LY75: variants seen among roughly 807,000 people sequenced by gnomAD.
LY75 encodes the protein lymphocyte antigen 75.
A neutral mutation model predicts 231.7 loss-of-function variants in LY75; 185 were observed. The ratio of observed to expected loss-of-function variants is 0.80; its 90% CI spans 0.71 to 0.90. The LOEUF is 0.90. LY75 is among the 40% of genes least tolerant of loss of function. The pLI, the probability that LY75 is intolerant of heterozygous loss-of-function variation, is 0.00. For synonymous variants in LY75, 668 were observed against 689.0 expected, an observed-to-expected ratio of 0.97 and a Z score of 0.48; for missense variants, 1,947 against 2,050.2, an observed-to-expected ratio of 0.95 and a Z score of 0.97.
chr2:159,847,299 C>G (rs985179953), intron 23 of LY75, among the ~76,000 whole-genome samples: 2 of 152,148 alleles, frequency 1.3e-5, no homozygotes. Flanking sequence ...CAGGCATGAG[C>G]CACCACGCCC....
chr2:159,852,387 A>G (rs1342301187), intron 20 of LY75, 47 bp from the exon 21 acceptor site: 7 of 1,567,976 alleles, frequency 4.5e-6, no homozygotes, highest in Non-Finnish European at 6.0e-6. Flanking sequence ...TTTTTCAGTC[A>G]GTACATTTTT....
At position 159,875,467 on chromosome 2, in the gene LY75, G is replaced by A; in HGVS notation, c.1951C>T (p.Pro651Ser). 6.2e-7 allele frequency: 1 copy of A among 1,613,264 alleles called. No individual in the cohort carries two copies. Among genetic ancestry groups the A allele is most frequent in the Non-Finnish European group, 8.5e-7 (1 of 1,179,734 alleles). Residue 651 changes from proline to serine, a missense_variant, in exon 12 of 35, where the codon CCC becomes TCC. Pro to Ser is a moderately conservative substitution (Grantham distance 74). Coordinates refer to ENST00000263636, the MANE Select transcript of LY75 (RefSeq NM_002349.4). ...DPCPEGWQSFPASLSCYKVFH... is the reference protein window; with the variant it reads ...DPCPEGWQSFSASLSCYKVFH... ...ACCTTATAACAAGAAAGACTTGCGG[G>A]GAAACTCTGCCAGCCTTCAGGACAG... is the stretch of plus-strand genomic sequence containing the variant.
chr2:159,890,083 G>T, intron 4 of LY75, 130 bp downstream of exon 4: 1 of 1,209,306 alleles, frequency 8.3e-7, no homozygotes, highest in Non-Finnish European at 1.1e-6. Flanking sequence ...GGGTTTCAGT[G>T]TAGAAGTTTA....
chr2:159,878,176 G>C (rs1685328566), intron 11 of LY75, 148 bp downstream of exon 11: 1 of 1,098,744 alleles, frequency 9.1e-7, no homozygotes, highest in Non-Finnish European at 1.3e-6. Flanking sequence ...CATAGCCACT[G>C]CTTCTATTTA....
chr2:159,860,768 T>C (rs1684678272), intron 15 of LY75, 53 bp downstream of exon 15: 4 of 1,600,580 alleles, frequency 2.5e-6, no homozygotes, highest in Admixed American at 3.3e-5. Flanking sequence ...CTTGACTGCA[T>C]ATGATGATGG....
intron 12 of LY75, 52 bp downstream of exon 12, chr2:159,875,392 G>C (rs926693762): frequency 6.3e-6 from 10 of 1,589,438 alleles, no homozygotes; most frequent in Non-Finnish European, 8.6e-6. Flanking sequence ...ACATGAACAA[G>C]GGTAGTGGAA....
At chr2:159,864,558 G>A (rs1684802972) in intron 14 of LY75, among the ~76,000 whole-genome samples, 1 of 152,086 alleles carries the variant, frequency 6.6e-6, no homozygotes, top group Admixed American at 6.6e-5. Context: ...ATAAATATAT[G>A]GATGTATTTT....
intron 11 of LY75, 72 bp downstream of exon 11, chr2:159,878,252 G>A: frequency 6.5e-7 from 1 of 1,537,586 alleles, no homozygotes; most frequent in Non-Finnish European, 8.7e-7. Context: ...AGTAAGTGAG[G>A]AACATCTTTG....
intron 8 of LY75, among the ~76,000 whole-genome samples, chr2:159,880,380 G>A (rs1685398054): frequency 6.6e-6 from 1 of 152,200 alleles, no homozygotes; most frequent in Admixed American, 6.5e-5. Context: ...TCTCAAAGTA[G>A]TATCGATATA....
chr2:159,848,332 A>G, intron 23 of LY75, among the ~76,000 whole-genome samples: 1 of 152,048 alleles, frequency 6.6e-6, no homozygotes, highest in Admixed American at 6.6e-5. Context: ...TTATGTTCTC[A>G]CTAATAAGTG....
chr2:159,852,425 T>G (rs931435731), intron 20 of LY75, 85 bp from the exon 21 acceptor site: 6 of 1,462,380 alleles, frequency 4.1e-6, no homozygotes, highest in Admixed American at 2.2e-5. Context: ...TTTTTTTGTT[T>G]TTTTTTTTTT....
intron 25 of LY75, among the ~76,000 whole-genome samples, chr2:159,839,185 A>C (rs1276254273): frequency 6.6e-6 from 1 of 152,186 alleles, no homozygotes; most frequent in Admixed American, 6.5e-5. Flanking sequence ...GCTTTTGATA[A>C]CAATTCTTGT....
chr2:159,862,676 T>C (rs1159559490), intron 14 of LY75, among the ~76,000 whole-genome samples: 1 of 152,170 alleles, frequency 6.6e-6, no homozygotes, highest in African/African-American at 2.4e-5. Flanking sequence ...GTATTTATTT[T>C]ATTTTTTAAA....
At chr2:159,848,153 T>G (rs1032592968) in intron 23 of LY75, among the ~76,000 whole-genome samples, 10 of 106,830 alleles carry the variant, frequency 9.4e-5, no homozygotes, top group Admixed American at 3.1e-4. Flanking sequence ...TTATATATGG[T>G]GTGTGTGTGT....
intron 25 of LY75, among the ~76,000 whole-genome samples, chr2:159,837,199 T>C (rs77249991): frequency 6.6e-6 from 1 of 152,208 alleles, no homozygotes; most frequent in Non-Finnish European, 1.5e-5. Context: ...CATATGTTTA[T>C]TGTAGCACTA....
At chr2:159,806,875 C>A in intron 34 of LY75, 98 bp downstream of exon 34, 6 of 1,432,278 alleles carry the variant, frequency 4.2e-6, no homozygotes, top group Non-Finnish European at 5.6e-6. Context: ...GGACTAAATA[C>A]TTCAAGACTA....
intron 12 of LY75, among the ~76,000 whole-genome samples, chr2:159,874,630 A>T (rs183244023): frequency 0.059 from 629 of 10,622 alleles, 15 homozygotes; most frequent in African/African-American, 0.087. Flanking sequence ...ATATATAGTA[A>T]ATATATGTAA....
At chr2:159,878,538 C>A in intron 10 of LY75, 45 bp from the exon 11 acceptor site, 1 of 1,612,434 alleles carries the variant, frequency 6.2e-7, no homozygotes, top group South Asian at 1.1e-5. Context: ...CAATGATTGA[C>A]TCTATTTGAA....
At chr2:159,844,839 C>T (rs1684155138) in intron 23 of LY75, among the ~76,000 whole-genome samples, 1 of 148,156 alleles carries the variant, frequency 6.7e-6, no homozygotes, top group African/African-American at 2.5e-5. Context: ...TATGGGGGCA[C>T]ATGTGTAGGA....
Sources: allele counts gnomAD v4.1 joint callset (sites outside exome capture counted in the v4.1 genomes callset), GRCh38; gene constraint gnomAD v4.1.1; transcripts MANE v1.5; gene names NCBI Gene and HGNC (gene_info 2026-07-23, HGNC 2026-07-21).